LRRC49: variants seen among roughly 807,000 people sequenced by gnomAD.
The protein encoded by LRRC49 is leucine rich repeat containing 49, also known as leucine-rich repeat-containing protein 49.
LRRC49 carries 50 observed loss-of-function variants against 83.3 expected under a neutral mutation model. The observed-to-expected ratio is 0.60, with a 90% CI of 0.48 to 0.76. The LOEUF (loss-of-function observed/expected upper bound fraction) is 0.76. LRRC49 is among the 30% of genes least tolerant of loss of function. The pLI, the probability that LRRC49 is intolerant of heterozygous loss-of-function variation, is 0.00. For missense variants in LRRC49, 704 were observed against 809.1 expected (o/e 0.87, Z 1.58); for synonymous variants, 286 against 283.3 (o/e 1.01, Z -0.10).
chr15:70,964,399 T>C (rs2036718975), intron 9 of LRRC49, among the ~76,000 whole-genome samples: 1 of 152,090 alleles, frequency 6.6e-6, no homozygotes, highest in African/African-American at 2.4e-5. Flanking sequence ...CATAGGTTTG[T>C]CGCGAAGATG....
At chr15:71,039,787 A>G (rs1432997462) in intron 15 of LRRC49, among the ~76,000 whole-genome samples, 1 of 152,198 alleles carries the variant, frequency 6.6e-6, no homozygotes, top group Non-Finnish European at 1.5e-5. Flanking sequence ...AAATTTAGTA[A>G]AATATCGAAA....
chr15:71,046,781 AT>A (rs1361649740), intron 15 of LRRC49, among the ~76,000 whole-genome samples: 2 of 152,166 alleles, frequency 1.3e-5, no homozygotes, highest in African/African-American at 2.4e-5. Flanking sequence ...GCCAAGGCCA[AT>A]ATCAAGAAGA....
At chr15:70,944,398 A>G (rs2035933573) in intron 8 of LRRC49, among the ~76,000 whole-genome samples, 1 of 152,096 alleles carries the variant, frequency 6.6e-6, no homozygotes, top group Non-Finnish European at 1.5e-5. Flanking sequence ...ATAAATTTCC[A>G]TATTGCTCTT....
At chr15:70,915,001 C>G (rs964929003) in intron 6 of LRRC49, among the ~76,000 whole-genome samples, 7 of 152,188 alleles carry the variant, frequency 4.6e-5, no homozygotes, top group Non-Finnish European at 8.8e-5. Context: ...CTGTATGACC[C>G]ATAAATGGGC....
chr15:70,988,102 T>C (rs2037702713), intron 11 of LRRC49, among the ~76,000 whole-genome samples: 1 of 151,284 alleles, frequency 6.6e-6, no homozygotes, highest in Non-Finnish European at 1.5e-5. Flanking sequence ...CTGAAAAAAA[T>C]GTATATTCTG....
chr15:70,887,699 C>A (rs1379905005), upstream of LRRC49, among the ~76,000 whole-genome samples: 1 of 152,092 alleles, frequency 6.6e-6, no homozygotes, highest in African/African-American at 2.4e-5. Context: ...GAAAAGGATT[C>A]CCCTCACCTC....
At chr15:70,858,761 C>A in intron 1 of LRRC49, 2 of 1,156,444 alleles carry the variant, frequency 1.7e-6, no homozygotes, top group South Asian at 1.4e-5. Context: ...CACCTCTGGC[C>A]CCCGGGCCTT....
chr15:70,954,314 A>T (rs937575243), intron 8 of LRRC49, among the ~76,000 whole-genome samples: 1 of 151,994 alleles, frequency 6.6e-6, no homozygotes, highest in Non-Finnish European at 1.5e-5. Context: ...TTAAATGGTT[A>T]TGTCATCTTT....
At chr15:71,016,282 G>A (rs1193710042) in intron 14 of LRRC49, among the ~76,000 whole-genome samples, 1 of 151,838 alleles carries the variant, frequency 6.6e-6, no homozygotes, top group Non-Finnish European at 1.5e-5. Flanking sequence ...AATTAAAGAG[G>A]AAATAAAGCT....
intron 9 of LRRC49, among the ~76,000 whole-genome samples, chr15:70,964,961 TA>T (rs951076784): frequency 2.3e-4 from 35 of 152,168 alleles, no homozygotes; most frequent in Non-Finnish European, 4.4e-5. Flanking sequence ...AGCTAATAGC[TA>T]AAAGTGTGGA....
chr15:70,917,256 G>T (rs894054647), intron 6 of LRRC49, among the ~76,000 whole-genome samples: 4 of 152,206 alleles, frequency 2.6e-5, no homozygotes, highest in African/African-American at 9.6e-5. Context: ...CTGAGCAGAA[G>T]GGGGCAGGTC....
chr15:71,027,102 C>G (rs569940164), intron 14 of LRRC49, among the ~76,000 whole-genome samples: 2 of 152,282 alleles, frequency 1.3e-5, no homozygotes, highest in South Asian at 4.1e-4. Context: ...TTTAATCCAT[C>G]TTGAGATACT....
At chr15:70,882,816 GC>G in intron 2 of LRRC49, 1 of 1,614,130 alleles carries the variant, frequency 6.2e-7, no homozygotes, top group South Asian at 1.1e-5. Context: ...TATGCACTGG[GC>G]CTTCTTCACA....
intron 14 of LRRC49, among the ~76,000 whole-genome samples, chr15:71,015,078 A>T (rs1393810252): frequency 6.6e-6 from 1 of 152,208 alleles, no homozygotes; most frequent in Non-Finnish European, 1.5e-5. Context: ...TTAGAAAATA[A>T]TGGGTCAGGA....
intron 1 of LRRC49, 151 bp from the exon 2 acceptor site, chr15:70,893,433 C>A (rs555097271): frequency 7.9e-5 from 51 of 643,464 alleles, no homozygotes; most frequent in Admixed American, 1.2e-4. Context: ...TTGTTTTCAG[C>A]AAATCCTCAG....
intron 11 of LRRC49, among the ~76,000 whole-genome samples, chr15:71,002,776 T>TA (rs980139193): frequency 2.0e-5 from 3 of 151,922 alleles, no homozygotes; most frequent in Non-Finnish European, 2.9e-5. Context: ...GCCTAAAGGT[T>TA]AAAAAAACAA....
chr15:70,993,743 T>A (rs1461442323), intron 11 of LRRC49, among the ~76,000 whole-genome samples: 2 of 152,242 alleles, frequency 1.3e-5, no homozygotes, highest in East Asian at 3.8e-4. Flanking sequence ...ATTTCTTTTT[T>A]AAAAATTATT....
At chr15:70,892,697 G>T (rs2033632982), upstream of LRRC49, 1 of 1,460,054 alleles carries the variant, frequency 6.8e-7, no homozygotes, top group East Asian at 2.5e-5. Flanking sequence ...GACGCACTGG[G>T]CTCTCACGAA....
At chr15:70,885,562 GA>G (rs2033384541) in intron 2 of LRRC49, among the ~76,000 whole-genome samples, 1 of 152,146 alleles carries the variant, frequency 6.6e-6, no homozygotes, top group Admixed American at 6.5e-5. Context: ...CAGAAAGATT[GA>G]AAGTAGAAGG....
Sources: allele counts gnomAD v4.1 joint callset (sites outside exome capture counted in the v4.1 genomes callset), GRCh38; gene constraint gnomAD v4.1.1; transcripts MANE v1.5; gene names NCBI Gene and HGNC (gene_info 2026-07-23, HGNC 2026-07-21).